Variants in COX4I2 observed in about 807,000 individuals in gnomAD.
The protein encoded by COX4I2 is cytochrome c oxidase subunit 4I2.
A neutral mutation model predicts 20.8 loss-of-function variants in COX4I2; 15 were observed. The ratio of observed to expected loss-of-function variants is 0.72; its 90% CI spans 0.48 to 1.11. The LOEUF (loss-of-function observed/expected upper bound fraction) is 1.11, where lower values mean the gene tolerates loss of function less well. COX4I2 is among the 50% of genes most tolerant of loss of function. The pLI is 0.00. For synonymous variants in COX4I2, 80 were observed against 78.1 expected (o/e 1.02, Z -0.13); for missense variants, 224 against 223.0 (o/e 1.00, Z -0.03).
chr20:31,642,514 A>C (rs2060474285), intron 3 of COX4I2, among the ~76,000 whole-genome samples: 1 of 129,538 alleles, frequency 7.7e-6, no homozygotes, highest in Admixed American at 1.0e-4. Flanking sequence ...ATCTCGGCTC[A>C]CTGCAACCTC....
Position 31,643,542 on chromosome 20 carries a change from G to GTT in COX4I2, c.379+7_379+8insTT. The GTT allele has an allele frequency of 5.0e-6, 8 of 1,614,088 alleles. No homozygotes were observed. In the South Asian group the frequency reaches 7.7e-5, roughly 16 times the overall value. On this transcript the variant is annotated splice_region_variant and intron_variant, in intron 4 of 4. Coordinates refer to ENST00000376075, the MANE Select transcript of COX4I2 (RefSeq NM_032609.3). ...TGGTGGCAGCGGGTCTACGGTGAGT[G>GTT]GCAACACCTCATCTGGCTGCAGTCC...
In COX4I2 at chr20:31,639,045, G is replaced by T. The variant is rs199601484; in HGVS notation, c.28G>T (p.Val10Leu). ...GCTCCCCAGAGCTGCCTGGAGCTTG[G>T]TGCTGAGGAAAGGTGGAGGTGGAAG... MLPRAAWSL[V>L]LRKGGGGRRG... Residue 10 changes from valine (V) to leucine (L), a missense_variant, in exon 2 of 5, where the codon GTG becomes TTG. Transcript: ENST00000376075. The T allele has an allele frequency of 6.2e-7, 1 of 1,612,548 alleles. No homozygotes were observed. The highest frequency in any genetic ancestry group is 2.2e-5 in the East Asian group (1 of 44,842).
At chr20:31,643,248 T>C (rs2060478058) in intron 3 of COX4I2, among the ~76,000 whole-genome samples, 156 bp from the exon 4 acceptor site, 1 of 152,242 alleles carries the variant, frequency 6.6e-6, no homozygotes, top group African/African-American at 2.4e-5. Flanking sequence ...ATCTGGCTCA[T>C]TCACTGCTGT....
rs972414859 is a variant in COX4I2, at chr20:31,644,260, C to T, written c.380-508C>T. On this transcript the variant is annotated intron_variant, in intron 4 of 4. Transcript: ENST00000376075. ...TATAATTATAGTAGGTAACATGTATCAGGTGCTTAATATTTGTCTAACATT... is the reference window on the plus strand; with the variant it reads ...TATAATTATAGTAGGTAACATGTATTAGGTGCTTAATATTTGTCTAACATT... Among the ~76,000 whole-genome samples, 43 of 152,304 alleles carry T rather than the reference C, an allele frequency of 2.8e-4. 1 individual carries two copies. Among genetic ancestry groups the T allele is most frequent in the African/African-American group, 1.0e-3 (43 of 41,572 alleles).
chr20:31,640,954 T>TACACACACACAC (rs35214276), intron 3 of COX4I2, among the ~76,000 whole-genome samples: 248 of 133,610 alleles, frequency 1.9e-3, no homozygotes, highest in Non-Finnish European at 2.3e-3. Context: ...TCTCTCTTTC[T>TACACACACACAC]ACACACACAC....
intron 2 of COX4I2, chr20:31,639,365 G>GT: frequency 2.4e-6 from 2 of 832,908 alleles, no homozygotes; most frequent in Non-Finnish European, 2.9e-6. Flanking sequence ...TTGTTCTGAG[G>GT]TGGAGGATGC....
chr20:31,645,002 A>G lies in COX4I2; in HGVS notation c.*98A>G. The G allele has an allele frequency of 7.0e-7, 1 of 1,429,728 alleles. No homozygotes were observed. Among genetic ancestry groups the G allele is most frequent in the Non-Finnish European group, 9.6e-7 (1 of 1,041,032 alleles). 88.6% of individuals were successfully genotyped at this position (1,429,728 alleles called of 1,614,324 possible). A position where few individuals can be genotyped will look rare whatever the true frequency, so the allele number is the denominator to read the frequency against. Reference sequence around the variant, plus strand: ...CCTTAACCCCAGTAAAGCTCCAAAAAAAAATTTATTCTCTTCTGCCTCTCA... The same window carrying G: ...CCTTAACCCCAGTAAAGCTCCAAAAGAAAATTTATTCTCTTCTGCCTCTCA... On this transcript the variant is annotated 3_prime_UTR_variant, in exon 5 of 5. Coordinates refer to ENST00000376075, the MANE Select transcript of COX4I2 (RefSeq NM_032609.3).
chr20:31,643,773 C>T (rs895249468), intron 4 of COX4I2, among the ~76,000 whole-genome samples: 6 of 152,128 alleles, frequency 3.9e-5, no homozygotes, highest in African/African-American at 1.4e-4. Flanking sequence ...TCTCAGGGTA[C>T]TTAAGAGGAT....
Position 31,644,904 on chromosome 20 carries a change from A to G in COX4I2, c.516A>G (p.Ter172TrpextTer26). The G allele has an allele frequency of 6.2e-7, 1 of 1,613,518 alleles. No individual in the cohort carries two copies. Among genetic ancestry groups the G allele is most frequent in the Non-Finnish European group, 8.5e-7 (1 of 1,179,764 alleles). ...ATGAGAAGAAGCAGTGGAAGAAGTG[A>G]CTTGCATCCCCAGCTGTCTCCCTGA... ...WDYEKKQWKK* is the reference protein window; with the variant it reads ...WDYEKKQWKKW Residue 172 changes from the stop codon to tryptophan (W), a stop_lost, in exon 5 of 5, where the codon TGA (stop) becomes TGG (tryptophan). Transcript: ENST00000376075.
intron 4 of COX4I2, among the ~76,000 whole-genome samples, chr20:31,644,291 A>T: frequency 6.6e-6 from 1 of 152,224 alleles, no homozygotes; most frequent in Non-Finnish European, 1.5e-5. Flanking sequence ...ACATTGTGCC[A>T]ACAGCTTTGG....
chr20:31,638,838 G>C (rs2060450794), intron 1 of COX4I2, among the ~76,000 whole-genome samples, 180 bp from the exon 2 acceptor site: 1 of 152,146 alleles, frequency 6.6e-6, no homozygotes, highest in Non-Finnish European at 1.5e-5. Context: ...ACCCCCATTG[G>C]CCCCCCGCTG....
chr20:31,640,462 G>T (rs1355368639), intron 3 of COX4I2, among the ~76,000 whole-genome samples: 1 of 152,146 alleles, frequency 6.6e-6, no homozygotes, highest in South Asian at 2.1e-4. Context: ...CCCAGAGGAG[G>T]GCACATTCCA....
rs6088856 is a variant in COX4I2 at position 31,638,740 on chromosome 20, C to G, written c.1-278C>G. Among the ~76,000 whole-genome samples the G allele has an allele frequency of 0.29, 43,762 of 151,914 alleles. 8,264 individuals carry two copies. Among genetic ancestry groups the G allele is most frequent in the African/African-American group, 0.53 (22,138 of 41,434 alleles). ...CAGAACCCAAGCCCTCAGCCTCAAACTCTTCAGACCCTGGCCCAAGACTTA... is the reference window on the plus strand; with the variant it reads ...CAGAACCCAAGCCCTCAGCCTCAAAGTCTTCAGACCCTGGCCCAAGACTTA... On this transcript the variant is annotated intron_variant, in intron 1 of 4. Coordinates refer to ENST00000376075, the MANE Select transcript of COX4I2 (RefSeq NM_032609.3).
chr20:31,643,312 G>A, intron 3 of COX4I2, 92 bp from the exon 4 acceptor site: 1 of 1,501,598 alleles, frequency 6.7e-7, no homozygotes, highest in Non-Finnish European at 9.3e-7. Context: ...AGAATTTGCT[G>A]AATGAACAGC....
intron 3 of COX4I2, among the ~76,000 whole-genome samples, chr20:31,642,183 A>G (rs930309464): frequency 2.0e-5 from 3 of 152,014 alleles, no homozygotes; most frequent in Admixed American, 6.6e-5. Context: ...GACCTCTTCC[A>G]GGGCAGGCAG....
chr20:31,641,245 C>G (rs900032718), intron 3 of COX4I2, among the ~76,000 whole-genome samples: 6 of 151,488 alleles, frequency 4.0e-5, no homozygotes, highest in Non-Finnish European at 1.5e-5. Context: ...GTCGTCCCAG[C>G]TATTTGGGAG....
chr20:31,644,476 G>T (rs1402644752), intron 4 of COX4I2, among the ~76,000 whole-genome samples: 1 of 152,194 alleles, frequency 6.6e-6, no homozygotes, highest in Non-Finnish European at 1.5e-5. Flanking sequence ...GACCACAGAG[G>T]TAGGTGAGGT....
In COX4I2 at chr20:31,643,587, C is replaced by A; in HGVS notation, c.379+52C>A. ...CAGTCCTGGGCCATGCCCTTGTGGTCACGGCCACCAGACAGTTTCTTAAAG... is the reference window on the plus strand; with the variant it reads ...CAGTCCTGGGCCATGCCCTTGTGGTAACGGCCACCAGACAGTTTCTTAAAG... On this transcript the variant is annotated intron_variant, in intron 4 of 4. Coordinates refer to ENST00000376075, the MANE Select transcript of COX4I2 (RefSeq NM_032609.3). 1.9e-6 allele frequency: 3 copies of A among 1,609,488 alleles called. No homozygotes were observed. The South Asian group carries it at 3.3e-5, about 18-fold the overall frequency.
chr20:31,644,099 CT>C (rs1271412779), intron 4 of COX4I2, among the ~76,000 whole-genome samples: 1 of 152,248 alleles, frequency 6.6e-6, no homozygotes, highest in Non-Finnish European at 1.5e-5. Flanking sequence ...GCATGAGCCA[CT>C]GTGCCCGGTG....
Sources: gnomAD v4.1 joint callset for allele counts (sites outside exome capture counted in the v4.1 genomes callset) on GRCh38, gnomAD v4.1.1 for gene constraint, MANE v1.5 for transcripts, NCBI Gene and HGNC (gene_info 2026-07-23, HGNC 2026-07-21) for gene names.